PPP1R13B: variants seen among roughly 807,000 people sequenced by gnomAD.
PPP1R13B encodes protein phosphatase 1 regulatory subunit 13B, also known as apoptosis-stimulating of p53 protein 1.
PPP1R13B carries 44 observed loss-of-function variants against 119.8 expected under a neutral mutation model. That is an observed-to-expected ratio of 0.37 (90% CI 0.29 to 0.47). PPP1R13B has a LOEUF of 0.47. PPP1R13B is among the 20% of genes least tolerant of loss of function. PPP1R13B has a pLI of 0.99. For synonymous variants in PPP1R13B, 542 were observed against 561.5 expected (o/e 0.97, Z 0.49); for missense variants, 1,227 against 1,413.5 (o/e 0.87, Z 2.12).
chr14:103,764,301 G>C (rs2084885926), intron 4 of PPP1R13B: 1 of 167,656 alleles, frequency 6.0e-6, no homozygotes, highest in East Asian at 1.8e-4. Flanking sequence ...AATTCTTGTG[G>C]ATGTGTAATG....
Position 103,738,980 on chromosome 14 carries a change from C to T in PPP1R13B, c.2636G>A (p.Gly879Glu). 19 of 1,614,072 alleles carry T rather than the reference C, an allele frequency of 1.2e-5. No individual in the cohort carries two copies. Among genetic ancestry groups the T allele is most frequent in the Non-Finnish European group, 1.5e-5 (18 of 1,179,994 alleles). ...NLKKPNSERT[G>E]HGLRVRFNPL... ...GTTAAACCGGACTCTCAGCCCGTGCCCCGTCCGCTCCGAGTTGGGCTTCTT... is the reference window on the plus strand; with the variant it reads ...GTTAAACCGGACTCTCAGCCCGTGCTCCGTCCGCTCCGAGTTGGGCTTCTT... The change falls in exon 13 of 17, where the codon GGG (glycine) becomes GAG (glutamate). Residue 879 changes from glycine (G) to glutamate (E), a missense_variant. Transcript: ENST00000202556. The surrounding 1 kb of genome is among the most constrained non-coding windows in gnomAD (Gnocchi z 5.6).
chr14:103,739,215 A>G (rs2084188855), intron 12 of PPP1R13B, 192 bp from the exon 13 acceptor site: 2 of 673,424 alleles, frequency 3.0e-6, no homozygotes, highest in Non-Finnish European at 4.9e-6. Context: ...GCTCACTACA[A>G]GGGAGAGCCC....
chr14:103,837,322 A>C (rs1365487346), intron 1 of PPP1R13B, among the ~76,000 whole-genome samples: 1 of 152,220 alleles, frequency 6.6e-6, no homozygotes, highest in Non-Finnish European at 1.5e-5. Context: ...TTAAGATTTA[A>C]GGATAACATC....
Position 103,740,072 on chromosome 14 carries a change from G to A in PPP1R13B, c.2344C>T (p.Pro782Ser). The A allele has an allele frequency of 6.2e-7, 1 of 1,613,990 alleles. No individual in the cohort carries two copies. Among genetic ancestry groups the A allele is most frequent in the Non-Finnish European group, 8.5e-7 (1 of 1,180,006 alleles). ...LPPAQPTAPL[P>S]AEPAPSSDAN... ...TCTGATGACGGGGCAGGCTCAGCGGGGAGTGGGGCTGTGGGCTGGGCAGGG... is the reference window on the plus strand; with the variant it reads ...TCTGATGACGGGGCAGGCTCAGCGGAGAGTGGGGCTGTGGGCTGGGCAGGG... Residue 782 changes from proline to serine, a missense_variant, in exon 12 of 17, where the codon CCC (proline) becomes TCC (serine). Coordinates refer to ENST00000202556, the MANE Select transcript of PPP1R13B (RefSeq NM_015316.3). The surrounding 1 kb of genome is among the most constrained non-coding windows in gnomAD (Gnocchi z 4.6).
chr14:103,819,076 A>C (rs1308636030), intron 1 of PPP1R13B, among the ~76,000 whole-genome samples: 1 of 152,224 alleles, frequency 6.6e-6, no homozygotes, highest in African/African-American at 2.4e-5. Context: ...ATTCAGGCGA[A>C]GGGAACAAGT....
At position 103,753,069 on chromosome 14, in the gene PPP1R13B, G is replaced by C. The variant is rs1275163310; in HGVS notation, c.759C>G (p.Phe253Leu). 2.5e-6 allele frequency: 4 copies of C among 1,614,086 alleles called. No homozygotes were observed. The highest frequency in any genetic ancestry group is 3.4e-6 in the Non-Finnish European group (4 of 1,180,028). The stretch of plus-strand genomic sequence containing the variant: ...CCGTCAATTTGCCATTGTAAGACTG[G>C]AACCCATTCAGTTTTCCTTTCTTTA... ...EDLKKGKLNGFQSYNGKLTGP... is the reference protein window; with the variant it reads ...EDLKKGKLNGLQSYNGKLTGP... The change falls in exon 7 of 17, where the codon TTC becomes TTG. Residue 253 changes from phenylalanine (F) to leucine (L), a missense_variant. Phe to Leu is a conservative substitution (Grantham distance 22). Transcript: ENST00000202556.
intron 1 of PPP1R13B, among the ~76,000 whole-genome samples, chr14:103,800,731 T>C (rs2085881100): frequency 6.6e-6 from 1 of 152,194 alleles, no homozygotes. Context: ...ATTCTGAAAT[T>C]AAGCATCTTT....
In PPP1R13B at chr14:103,784,880, T is replaced by C; in HGVS notation, c.192A>G (p.Glu64=). ...RPIPFDHMMY[E]HLQKWGPRRE... is the part of the protein sequence containing the mutation. ...TCCGTGGACCCCATTTCTGAAGATG[T>C]TCGTACATCATATGATCAAAGGGTA... Residue 64 remains glutamate, a synonymous_variant, in exon 3 of 17, where the codon GAA becomes GAG. Coordinates refer to ENST00000202556, the MANE Select transcript of PPP1R13B (RefSeq NM_015316.3). 6.2e-7 allele frequency: 1 copy of C among 1,607,982 alleles called. No individual in the cohort carries two copies. The highest frequency in any genetic ancestry group is 8.5e-7 in the Non-Finnish European group (1 of 1,175,424).
chr14:103,791,657 G>A (rs890406410), intron 2 of PPP1R13B, among the ~76,000 whole-genome samples: 2 of 152,176 alleles, frequency 1.3e-5, no homozygotes, highest in African/African-American at 2.4e-5. Context: ...CCACGAGGTG[G>A]AGGTTGTAGT....
chr14:103,834,839 C>T (rs1368996729), intron 1 of PPP1R13B, among the ~76,000 whole-genome samples: 2 of 152,130 alleles, frequency 1.3e-5, no homozygotes, highest in Admixed American at 6.5e-5. Flanking sequence ...GTAAGCCACC[C>T]ACCTCGGACT....
At chr14:103,785,918 T>C (rs1220382191) in intron 2 of PPP1R13B, among the ~76,000 whole-genome samples, 1 of 152,208 alleles carries the variant, frequency 6.6e-6, no homozygotes, top group Non-Finnish European at 1.5e-5. Flanking sequence ...GGGCACTTCC[T>C]GGCAACTCAG....
chr14:103,817,535 T>C (rs1015574623), intron 1 of PPP1R13B, among the ~76,000 whole-genome samples: 4 of 152,214 alleles, frequency 2.6e-5, no homozygotes, highest in Admixed American at 2.0e-4. Context: ...TGAAAACTAT[T>C]TGCTTGTTCA....
chr14:103,769,010 A>G (rs545550068), intron 4 of PPP1R13B, among the ~76,000 whole-genome samples: 103 of 152,374 alleles, frequency 6.8e-4, no homozygotes, highest in African/African-American at 2.4e-3. Context: ...ATTTAAAAAG[A>G]CTATAAATAT....
intron 1 of PPP1R13B, among the ~76,000 whole-genome samples, chr14:103,841,825 A>G (rs2086916156): frequency 6.6e-6 from 1 of 152,210 alleles, no homozygotes; most frequent in Non-Finnish European, 1.5e-5. Context: ...ACCTTTGATG[A>G]AGCGAATATG....
At chr14:103,827,347 T>A (rs2086572384) in intron 1 of PPP1R13B, among the ~76,000 whole-genome samples, 1 of 152,020 alleles carries the variant, frequency 6.6e-6, no homozygotes, top group African/African-American at 2.4e-5. Flanking sequence ...AAGACTGTAC[T>A]AGATACTTTT....
chr14:103,812,690 C>T (rs1296388927), intron 1 of PPP1R13B, among the ~76,000 whole-genome samples: 1 of 152,178 alleles, frequency 6.6e-6, no homozygotes, highest in African/African-American at 2.4e-5. Flanking sequence ...GCTAGGATTA[C>T]ACGCGTGAGC....
At chr14:103,843,477 T>A (rs920518773) in intron 1 of PPP1R13B, among the ~76,000 whole-genome samples, 3 of 152,192 alleles carry the variant, frequency 2.0e-5, no homozygotes, top group Non-Finnish European at 4.4e-5. Context: ...ATCAAACTTG[T>A]AAATGCTTTC....
chr14:103,840,218 A>G (rs1476875354), intron 1 of PPP1R13B: 2 of 152,250 alleles, frequency 1.3e-5, no homozygotes, highest in Non-Finnish European at 2.9e-5. Context: ...TGAAATAACT[A>G]TGACAACAGC....
At chr14:103,824,505 C>T (rs1477279361) in intron 1 of PPP1R13B, among the ~76,000 whole-genome samples, 1 of 151,398 alleles carries the variant, frequency 6.6e-6, no homozygotes, top group African/African-American at 2.4e-5. Context: ...ACTAGCCTGG[C>T]CAATATGGTG....
Sources: allele counts gnomAD v4.1 joint callset (sites outside exome capture counted in the v4.1 genomes callset), GRCh38; gene constraint gnomAD v4.1.1; non-coding constraint Gnocchi (gnomAD v3.1); transcripts MANE v1.5; gene names NCBI Gene and HGNC (gene_info 2026-07-23, HGNC 2026-07-21).